RALGAPB: variants seen among roughly 807,000 people sequenced by gnomAD.
RALGAPB encodes the protein ral GTPase-activating protein subunit beta.
In RALGAPB, 25 loss-of-function variants were observed where a neutral mutation model predicts 161.1. That is an observed-to-expected ratio of 0.16 (90% CI 0.11 to 0.22). The LOEUF is 0.22. RALGAPB is among the 10% of genes least tolerant of loss of function. The pLI is 1.00. For missense variants in RALGAPB, 1,391 were observed against 1,815.2 expected (o/e 0.77, Z 4.25); for synonymous variants, 629 against 626.1 (o/e 1.00, Z -0.07).
chr20:38,566,321 C>T (rs1330836033), intron 25 of RALGAPB, among the ~76,000 whole-genome samples: 1 of 152,130 alleles, frequency 6.6e-6, no homozygotes, highest in African/African-American at 2.4e-5. Flanking sequence ...AGCTGTTGGG[C>T]TTCCCGTCAA....
rs563012530 is a variant in RALGAPB at position 38,499,686 on chromosome 20, T to A, written c.740+53T>A. 1.5e-4 allele frequency: 221 copies of A among 1,510,176 alleles called. No homozygotes were observed. In the African/African-American group the frequency reaches 2.9e-3, roughly 20 times the overall value. 93.5% of individuals were successfully genotyped at this position (1,510,176 alleles called of 1,614,324 possible). Reference sequence around the variant, plus strand: ...CTTCACCTGTCTGACCTTAGGCAGCTTTCTGGCATTCATGGAATACATTAT... The same window carrying A: ...CTTCACCTGTCTGACCTTAGGCAGCATTCTGGCATTCATGGAATACATTAT... On this transcript the variant is annotated intron_variant, in intron 5 of 29. Coordinates refer to ENST00000262879, the MANE Select transcript of RALGAPB (RefSeq NM_020336.4).
chr20:38,479,101 C>T (rs2084889933), intron 1 of RALGAPB, among the ~76,000 whole-genome samples: 1 of 152,152 alleles, frequency 6.6e-6, no homozygotes, highest in Admixed American at 6.5e-5. Context: ...TCATCAGTTA[C>T]CATATTGAAT....
intron 6 of RALGAPB, among the ~76,000 whole-genome samples, chr20:38,511,832 A>G (rs987921793): frequency 2.0e-5 from 3 of 152,112 alleles, no homozygotes; most frequent in Non-Finnish European, 4.4e-5. Context: ...CCCGTTCTCA[A>G]TGAGCTGTTG....
intron 21 of RALGAPB, among the ~76,000 whole-genome samples, chr20:38,552,501 AT>A (rs2087412853): frequency 6.6e-6 from 1 of 152,164 alleles, no homozygotes; most frequent in Non-Finnish European, 1.5e-5. Context: ...GATTATGAAC[AT>A]GCTTATAGAT....
intron 1 of RALGAPB, among the ~76,000 whole-genome samples, chr20:38,483,204 C>T (rs1238994668): frequency 1.3e-5 from 2 of 152,178 alleles, no homozygotes; most frequent in East Asian, 3.9e-4. Context: ...CTATTATTAT[C>T]CCCATTTTAC....
At chr20:38,565,276 C>A in intron 24 of RALGAPB, 83 bp from the exon 25 acceptor site, 2 of 1,472,688 alleles carry the variant, frequency 1.4e-6, no homozygotes, top group Non-Finnish European at 1.9e-6. Context: ...CTTTATTAAC[C>A]AGTTAACATT....
intron 19 of RALGAPB, chr20:38,546,925 CA>C (rs1326544597): frequency 6.4e-6 from 1 of 155,992 alleles, no homozygotes; most frequent in Non-Finnish European, 1.4e-5. Context: ...TGTATTTTCC[CA>C]ATACATCCAA....
At chr20:38,541,811 A>G (rs1055393833) in intron 18 of RALGAPB, among the ~76,000 whole-genome samples, 3 of 152,210 alleles carry the variant, frequency 2.0e-5, no homozygotes, top group African/African-American at 7.2e-5. Flanking sequence ...ATACTTCCAG[A>G]TAAGGGGAAG....
At chr20:38,561,745 T>G (rs1244177558) in intron 23 of RALGAPB, among the ~76,000 whole-genome samples, 1 of 152,230 alleles carries the variant, frequency 6.6e-6, no homozygotes, top group Non-Finnish European at 1.5e-5. Context: ...TTGGGCCAGA[T>G]AAGTTCTTTG....
At chr20:38,540,149 G>A (rs1048557461) in intron 17 of RALGAPB, among the ~76,000 whole-genome samples, 191 bp downstream of exon 17, 1 of 152,182 alleles carries the variant, frequency 6.6e-6, no homozygotes, top group Non-Finnish European at 1.5e-5. Flanking sequence ...ATATTTGGTT[G>A]CAAATTAACT....
chr20:38,483,335 A>G (rs1230249794), intron 1 of RALGAPB, among the ~76,000 whole-genome samples: 1 of 152,136 alleles, frequency 6.6e-6, no homozygotes. Flanking sequence ...AACCACTCTC[A>G]TCTATGTTTT....
At chr20:38,530,198 T>A (rs2086612105) in intron 13 of RALGAPB, among the ~76,000 whole-genome samples, 1 of 152,176 alleles carries the variant, frequency 6.6e-6, no homozygotes, top group Admixed American at 6.5e-5. Context: ...ATGGTTAGCA[T>A]CACATTGTAT....
chr20:38,571,896 A>G lies in RALGAPB; in HGVS notation c.4142+1049A>G, dbSNP rs193008927. Among the ~76,000 whole-genome samples the G allele has an allele frequency of 4.7e-3, 711 of 152,136 alleles. 2 individuals carry two copies. Among genetic ancestry groups the G allele is most frequent in the Non-Finnish European group, 7.4e-3 (500 of 67,992 alleles). ...TCTTTTGGTTTTTTTGAAAATAACC[A>G]TCCTACCTGGAATGAGGTGCTATCT... On this transcript the variant is annotated intron_variant, in intron 28 of 29. Transcript: ENST00000262879.
Position 38,554,067 on chromosome 20 carries a change from A to G in RALGAPB, c.3363A>G (p.Glu1121=). The G allele has an allele frequency of 6.3e-7, 1 of 1,599,264 alleles. No individual in the cohort carries two copies. Among genetic ancestry groups the G allele is most frequent in the East Asian group, 2.2e-5 (1 of 44,836 alleles). Residue 1121 remains glutamate, a synonymous_variant, in exon 22 of 30, where the codon GAA becomes GAG. Transcript: ENST00000262879. ...FLSHFGFLSL[E]ALKEPANSRL... is the part of the protein sequence containing the mutation. ...CACACTTTGGATTTTTGTCCTTAGA[A>G]GCACTGAAGGTAATTTTCATGAACT...
At chr20:38,521,106 A>C (rs1348711131) in intron 9 of RALGAPB, among the ~76,000 whole-genome samples, 1 of 152,222 alleles carries the variant, frequency 6.6e-6, no homozygotes, top group Non-Finnish European at 1.5e-5. Flanking sequence ...TGTAAATTGC[A>C]GTAGCTATTT....
At chr20:38,526,601 G>C (rs1009053197) in intron 13 of RALGAPB, among the ~76,000 whole-genome samples, 1 of 152,134 alleles carries the variant, frequency 6.6e-6, no homozygotes, top group African/African-American at 2.4e-5. Context: ...CTTCTTAAGA[G>C]AGAGCTTCCC....
intron 22 of RALGAPB, among the ~76,000 whole-genome samples, chr20:38,556,521 A>T (rs1034137310): frequency 6.6e-6 from 1 of 152,184 alleles, no homozygotes; most frequent in African/African-American, 2.4e-5. Context: ...AAGTACAAAA[A>T]TTAATGATTA....
At chr20:38,491,741 A>G (rs746978110) in intron 2 of RALGAPB, among the ~76,000 whole-genome samples, 2 of 152,206 alleles carry the variant, frequency 1.3e-5, no homozygotes, top group African/African-American at 2.4e-5. Context: ...GTCTACACAG[A>G]GTTATTGTGA....
At chr20:38,499,855 C>T (rs943375971) in intron 5 of RALGAPB, 2 of 339,810 alleles carry the variant, frequency 5.9e-6, no homozygotes, top group African/African-American at 4.2e-5. Flanking sequence ...ATTTTATACC[C>T]TACTTCCCCC....
Sources: gnomAD v4.1 joint callset for allele counts (sites outside exome capture counted in the v4.1 genomes callset) on GRCh38, gnomAD v4.1.1 for gene constraint, MANE v1.5 for transcripts, NCBI Gene and HGNC (gene_info 2026-07-23, HGNC 2026-07-21) for gene names.